DCTN6: variants seen among roughly 807,000 people sequenced by gnomAD.
The protein encoded by DCTN6 is dynactin subunit 6.
A neutral mutation model predicts 25.8 loss-of-function variants in DCTN6; 15 were observed. The ratio of observed to expected loss-of-function variants is 0.58; its 90% CI spans 0.39 to 0.89. DCTN6 has a LOEUF of 0.89. Ranked by LOEUF, DCTN6 falls within the 40% of genes least tolerant of loss-of-function variation. The probability of loss-of-function intolerance (pLI) is 0.00; values close to 1 mark genes in which losing one functional copy is unlikely to be tolerated. For synonymous variants in DCTN6, 64 were observed against 78.3 expected (o/e 0.82, Z 0.96); for missense variants, 198 against 237.6 (o/e 0.83, Z 1.09).
At position 30,183,149 on chromosome 8, in the gene DCTN6, A is replaced by C; in HGVS notation, c.549A>C (p.Gly183=). The C allele has an allele frequency of 6.2e-7, 1 of 1,614,034 alleles. No homozygotes were observed. The highest frequency in any genetic ancestry group is 1.1e-5 in the South Asian group (1 of 91,082). Reference sequence around the variant, plus strand: ...ACCACCTAAAGAAGACTATGAAAGGAAGCTCAACTCCAGTAAAGAACTAAG... The same window carrying C: ...ACCACCTAAAGAAGACTATGAAAGGCAGCTCAACTCCAGTAAAGAACTAAG... ...NYHHLKKTMK[G]SSTPVKN The change falls in exon 7 of 7, where the codon GGA becomes GGC. Residue 183 remains glycine, a synonymous_variant. Coordinates refer to ENST00000221114, the MANE Select transcript of DCTN6 (RefSeq NM_006571.4).
intron 2 of DCTN6, among the ~76,000 whole-genome samples, chr8:30,168,639 G>T (rs1184333211): frequency 1.3e-5 from 2 of 152,174 alleles, no homozygotes; most frequent in Non-Finnish European, 2.9e-5. Flanking sequence ...CAGGAAGAAA[G>T]TAATGTTTTC....
intron 2 of DCTN6, among the ~76,000 whole-genome samples, chr8:30,167,927 C>T (rs1803705810): frequency 6.6e-6 from 1 of 152,178 alleles, no homozygotes; most frequent in Admixed American, 6.5e-5. Flanking sequence ...TCTCAAACTC[C>T]TAACCTCAAA....
At chr8:30,159,492 G>T (rs1803571171) in intron 1 of DCTN6, among the ~76,000 whole-genome samples, 2 of 152,106 alleles carry the variant, frequency 1.3e-5, no homozygotes, top group Admixed American at 1.3e-4. Context: ...GTTAATGAAA[G>T]AATCTTTACC....
At chr8:30,157,035 T>C (rs1803535876) in intron 1 of DCTN6, among the ~76,000 whole-genome samples, 1 of 152,178 alleles carries the variant, frequency 6.6e-6, no homozygotes, top group Non-Finnish European at 1.5e-5. Context: ...CTAGTGTACT[T>C]ACCACCCAAA....
chr8:30,159,967 A>G (rs917791220), intron 1 of DCTN6, among the ~76,000 whole-genome samples: 1 of 151,914 alleles, frequency 6.6e-6, no homozygotes, highest in Admixed American at 6.6e-5. Flanking sequence ...TTACCATGTG[A>G]CCCAGGCTGG....
intron 2 of DCTN6, among the ~76,000 whole-genome samples, chr8:30,164,792 A>C (rs1194891139): frequency 6.6e-6 from 1 of 152,214 alleles, no homozygotes; most frequent in Non-Finnish European, 1.5e-5. Flanking sequence ...CCAGGAAGTG[A>C]TGGCTAGAGC....
chr8:30,166,761 A>G (rs1206068479), intron 2 of DCTN6, among the ~76,000 whole-genome samples: 1 of 151,890 alleles, frequency 6.6e-6, no homozygotes, highest in East Asian at 1.9e-4. Context: ...CCCATCTTTA[A>G]CCCTCTTATG....
intron 1 of DCTN6, among the ~76,000 whole-genome samples, chr8:30,161,005 G>C (rs1302658220): frequency 6.6e-6 from 1 of 152,186 alleles, no homozygotes; most frequent in Non-Finnish European, 1.5e-5. Context: ...CAGTGCATTT[G>C]ATATGGTTTG....
intron 1 of DCTN6, among the ~76,000 whole-genome samples, chr8:30,161,765 TG>T (rs1185753575): frequency 2.2e-5 from 3 of 137,620 alleles, no homozygotes; most frequent in East Asian, 2.1e-4. Context: ...TTTTTTTTTT[TG>T]AGACAGAGTC....
chr8:30,169,707 C>T (rs1348343619), intron 2 of DCTN6, among the ~76,000 whole-genome samples: 1 of 152,170 alleles, frequency 6.6e-6, no homozygotes. Flanking sequence ...AATAAAAGTG[C>T]TCATGGCATC....
At chr8:30,166,678 G>A (rs1054791741) in intron 2 of DCTN6, among the ~76,000 whole-genome samples, 3 of 152,108 alleles carry the variant, frequency 2.0e-5, no homozygotes, top group Non-Finnish European at 4.4e-5. Context: ...CTAGGACTGA[G>A]TTTTAGGGGT....
At chr8:30,181,523 T>C (rs1202917189) in intron 6 of DCTN6, among the ~76,000 whole-genome samples, 1 of 152,194 alleles carries the variant, frequency 6.6e-6, no homozygotes, top group African/African-American at 2.4e-5. Flanking sequence ...GGGCTTCCTT[T>C]GGACATAAGA....
chr8:30,174,478 G>A (rs1803805022), intron 2 of DCTN6, among the ~76,000 whole-genome samples: 1 of 151,964 alleles, frequency 6.6e-6, no homozygotes, highest in Non-Finnish European at 1.5e-5. Context: ...GACTACAGGC[G>A]CACATACCAT....
At chr8:30,172,041 A>G (rs1803770762) in intron 2 of DCTN6, among the ~76,000 whole-genome samples, 1 of 152,200 alleles carries the variant, frequency 6.6e-6, no homozygotes, top group South Asian at 2.1e-4. Flanking sequence ...TCCTGTTATC[A>G]TAGAATATTT....
intron 1 of DCTN6, among the ~76,000 whole-genome samples, chr8:30,158,840 G>A (rs1300563791): frequency 7.1e-6 from 1 of 141,074 alleles, no homozygotes. Flanking sequence ...GGAGTGCAGT[G>A]GCACAATCTC....
chr8:30,172,605 C>A (rs1391131554), intron 2 of DCTN6, among the ~76,000 whole-genome samples: 1 of 152,064 alleles, frequency 6.6e-6, no homozygotes, highest in Non-Finnish European at 1.5e-5. Flanking sequence ...TGTGCACCAC[C>A]ATGCCTGGCT....
At chr8:30,174,396 G>A (rs1803804216) in intron 2 of DCTN6, among the ~76,000 whole-genome samples, 1 of 151,576 alleles carries the variant, frequency 6.6e-6, no homozygotes, top group Admixed American at 6.6e-5. Flanking sequence ...ACAGTGGCAT[G>A]ATCTCAGCTC....
intron 3 of DCTN6, 68 bp downstream of exon 3, chr8:30,175,258 G>A (rs1265081608): frequency 7.2e-7 from 1 of 1,384,510 alleles, no homozygotes; most frequent in Non-Finnish European, 1.0e-6. Flanking sequence ...TCAGCTGTCT[G>A]TAAGAACCTT....
rs914267830 is a variant in DCTN6 at position 30,170,741 on chromosome 8, A to G, written c.89-4344A>G. Among the ~76,000 whole-genome samples, 44 of 111,672 alleles carry G rather than the reference A, an allele frequency of 3.9e-4. No homozygotes were observed. In the Admixed American group the frequency reaches 4.2e-3, roughly 11 times the overall value. 73.3% of individuals were successfully genotyped at this position (111,672 alleles called of 152,430 possible). A position where few individuals can be genotyped will look rare whatever the true frequency, so the allele number is the denominator to read the frequency against. On this transcript the variant is annotated intron_variant, in intron 2 of 6. Transcript: ENST00000221114. ...ACTGCAACCTCTGCCTCCCGGGTTC[A>G]GGTGACCCTCCTGCCTCAGCCTCCC...
Sources: allele counts gnomAD v4.1 joint callset (sites outside exome capture counted in the v4.1 genomes callset), GRCh38; gene constraint gnomAD v4.1.1; transcripts MANE v1.5; gene names NCBI Gene and HGNC (gene_info 2026-07-23, HGNC 2026-07-21).